Variants in PTPN2 observed in about 807,000 individuals in gnomAD.
PTPN2 encodes tyrosine-protein phosphatase non-receptor type 2.
In PTPN2, 19 loss-of-function variants were observed where a neutral mutation model predicts 57.3. That is an observed-to-expected ratio of 0.33 (90% confidence interval 0.23 to 0.49). The LOEUF (loss-of-function observed/expected upper bound fraction) is 0.49, where lower values mean the gene tolerates loss of function less well. PTPN2 is among the 20% of genes least tolerant of loss of function. The probability of loss-of-function intolerance (pLI) is 0.99; values close to 1 mark genes in which losing one functional copy is unlikely to be tolerated. For missense variants in PTPN2, 358 were observed against 501.1 expected, an observed-to-expected ratio of 0.71 and a Z score of 2.73; for synonymous variants, 153 against 164.9, an observed-to-expected ratio of 0.93 and a Z score of 0.55.
intron 7 of PTPN2, among the ~76,000 whole-genome samples, chr18:12,805,835 G>GATT (rs1423901747): frequency 2.0e-5 from 3 of 151,894 alleles, no homozygotes; most frequent in Non-Finnish European, 4.4e-5. Context: ...TCACCATGTT[G>GATT]GCCAGGGTGG....
intron 8 of PTPN2, among the ~76,000 whole-genome samples, chr18:12,798,062 A>C (rs1264036329): frequency 6.6e-6 from 1 of 152,124 alleles, no homozygotes; most frequent in Non-Finnish European, 1.5e-5. Context: ...TCTCACTCTC[A>C]GTGATCTGGG....
chr18:12,800,423 C>T (rs999532424), intron 8 of PTPN2, among the ~76,000 whole-genome samples: 3 of 151,838 alleles, frequency 2.0e-5, no homozygotes, highest in Non-Finnish European at 4.4e-5. Context: ...GCTAAGGTAA[C>T]TTAAAACTAT....
In PTPN2 at chr18:12,806,486, A is replaced by ATTT. The variant is rs1319712879; in HGVS notation, c.859-4336_859-4335insAAA. Among the ~76,000 whole-genome samples the ATTT allele has an allele frequency of 4.0e-3, 610 of 152,316 alleles. 3 individuals carry two copies. Among genetic ancestry groups the ATTT allele is most frequent in the African/African-American group, 0.014 (596 of 41,582 alleles). On this transcript the variant is annotated intron_variant, in intron 7 of 8. Transcript: ENST00000309660. ...TTGTATGAAATCATAAAAGACCCCA[A>ATTT]AAGCCAAAGCAATTTTGAGCAAAAA...
At position 12,793,734 on chromosome 18, in the gene PTPN2, T is replaced by C. The variant is rs2041056701; in HGVS notation, c.*544A>G. The C allele has an allele frequency of 1.0e-6, 1 of 953,902 alleles. No individual in the cohort carries two copies. The allele number at this position is 953,902 out of a possible 1,614,324, so 59.1% of individuals were successfully genotyped here. A position where few individuals can be genotyped will look rare whatever the true frequency, so the allele number is the denominator to read the frequency against. On this transcript the variant is annotated 3_prime_UTR_variant, in exon 9 of 9. Transcript: ENST00000309660. ...TAGTAACAGATTTTTCAAATTGAGC[T>C]CTTAAAAAGTACAGTTAACTACAAA...
chr18:12,818,275 G>A (rs1289551089), intron 5 of PTPN2, among the ~76,000 whole-genome samples: 2 of 152,006 alleles, frequency 1.3e-5, no homozygotes, highest in African/African-American at 4.8e-5. Context: ...TGCTACACAG[G>A]CATAGGGGAG....
At chr18:12,834,659 C>G (rs2042788197) in intron 3 of PTPN2, among the ~76,000 whole-genome samples, 1 of 151,778 alleles carries the variant, frequency 6.6e-6, no homozygotes, top group African/African-American at 2.4e-5. Context: ...CAGTAGTCTA[C>G]CCTATCTTAG....
intron 7 of PTPN2, 127 bp from the exon 8 acceptor site, chr18:12,802,278 G>A: frequency 1.4e-6 from 1 of 733,760 alleles, no homozygotes. Flanking sequence ...AAAGATGAGT[G>A]AAAAAGAAAA....
intron 4 of PTPN2, 72 bp from the exon 5 acceptor site, chr18:12,826,016 AAAAC>A: frequency 1.5e-6 from 2 of 1,291,426 alleles, no homozygotes; most frequent in East Asian, 2.5e-5. Context: ...TTAAAAAATG[AAAAC>A]AAACCAGATA....
intron 5 of PTPN2, among the ~76,000 whole-genome samples, chr18:12,821,026 A>G (rs958165612): frequency 6.6e-6 from 1 of 152,218 alleles, no homozygotes; most frequent in Admixed American, 6.5e-5. Flanking sequence ...AATGCAAGTT[A>G]ATAATCATCA....
intron 2 of PTPN2, among the ~76,000 whole-genome samples, chr18:12,846,722 T>C (rs1053475027): frequency 6.6e-6 from 1 of 152,216 alleles, no homozygotes; most frequent in African/African-American, 2.4e-5. Context: ...CAATGGCTCA[T>C]CAGCTATCGC....
At chr18:12,810,250 G>A (rs2041845372) in intron 7 of PTPN2, among the ~76,000 whole-genome samples, 1 of 152,104 alleles carries the variant, frequency 6.6e-6, no homozygotes, top group Non-Finnish European at 1.5e-5. Flanking sequence ...TGTAATCCCA[G>A]CTACTTGGGA....
At chr18:12,866,765 T>G (rs770789993) in intron 1 of PTPN2, among the ~76,000 whole-genome samples, 7 of 151,998 alleles carry the variant, frequency 4.6e-5, no homozygotes, top group Non-Finnish European at 1.0e-4. Flanking sequence ...TCCCAGCACT[T>G]TGGGAGGCCG....
intron 5 of PTPN2, among the ~76,000 whole-genome samples, chr18:12,823,499 C>T (rs1376489531): frequency 6.6e-6 from 1 of 151,872 alleles, no homozygotes; most frequent in Admixed American, 6.6e-5. Context: ...CACAGCGAAA[C>T]CCCATCTCTA....
intron 1 of PTPN2, among the ~76,000 whole-genome samples, chr18:12,866,496 G>A (rs932457460): frequency 6.7e-6 from 1 of 150,128 alleles, no homozygotes; most frequent in Admixed American, 6.6e-5. Flanking sequence ...AGATACAAAA[G>A]ACTACACATG....
In PTPN2 at chr18:12,794,010, T is replaced by C. The variant is rs1255984238; in HGVS notation, c.*268A>G. On this transcript the variant is annotated 3_prime_UTR_variant, in exon 9 of 9. Transcript: ENST00000309660. The stretch of plus-strand genomic sequence containing the variant: ...GTCAGGTGAAATACTGTGTTTGACA[T>C]GTATGAATACAGTTGCAAAATTTAC... 1 of 1,322,494 alleles carries C rather than the reference T, an allele frequency of 7.6e-7. No individual in the cohort carries two copies. Among genetic ancestry groups the C allele is most frequent in the African/African-American group, 1.5e-5 (1 of 67,810 alleles). The allele number at this position is 1,322,494 out of a possible 1,614,324, so 81.9% of individuals were successfully genotyped here. A position where few individuals can be genotyped will look rare whatever the true frequency, so the allele number is the denominator to read the frequency against.
At chr18:12,855,606 T>G (rs955821015) in intron 2 of PTPN2, among the ~76,000 whole-genome samples, 3 of 152,078 alleles carry the variant, frequency 2.0e-5, no homozygotes, top group African/African-American at 4.8e-5. Context: ...CTGAGCATGG[T>G]GAGGAGCTCT....
intron 1 of PTPN2, 116 bp downstream of exon 1, chr18:12,883,957 G>T: frequency 2.3e-6 from 2 of 854,604 alleles, no homozygotes; most frequent in East Asian, 3.5e-5. Context: ...CGCCACTTCC[G>T]CCCCGAGCGA....
At chr18:12,811,782 C>G (rs1003345054) in intron 7 of PTPN2, among the ~76,000 whole-genome samples, 1 of 152,200 alleles carries the variant, frequency 6.6e-6, no homozygotes, top group Non-Finnish European at 1.5e-5. Context: ...TTACATTTCA[C>G]TAAACTATAA....
At chr18:12,788,882 T>C (rs2040912280), downstream of PTPN2, among the ~76,000 whole-genome samples, 1 of 152,124 alleles carries the variant, frequency 6.6e-6, no homozygotes, top group South Asian at 2.1e-4. Context: ...TTCAGAAAAT[T>C]CCTGCTGCCG....
Sources: gnomAD v4.1 joint callset for allele counts (sites outside exome capture counted in the v4.1 genomes callset) on GRCh38, gnomAD v4.1.1 for gene constraint, MANE v1.5 for transcripts, NCBI Gene and HGNC (gene_info 2026-07-23, HGNC 2026-07-21) for gene names.